The following KAT6B variants were observed in gnomAD, a reference collection of about 807,000 sequenced individuals.
KAT6B encodes the protein histone acetyltransferase KAT6B.
A neutral mutation model predicts 187.5 loss-of-function variants in KAT6B; 10 were observed. That is an observed-to-expected ratio of 0.05 (90% CI 0.03 to 0.09). The LOEUF (loss-of-function observed/expected upper bound fraction) is 0.09. Among genes scored for constraint, KAT6B ranks in the 10% least tolerant of loss-of-function variants. The pLI, the probability that KAT6B is intolerant of heterozygous loss-of-function variation, is 1.00. For missense variants in KAT6B, 1,952 were observed against 2,558.9 expected, an observed-to-expected ratio of 0.76 and a Z score of 5.12; for synonymous variants, 861 against 926.8, an observed-to-expected ratio of 0.93 and a Z score of 1.29.
intron 3 of KAT6B, among the ~76,000 whole-genome samples, chr10:74,848,007 C>T (rs1842228757): frequency 6.7e-6 from 1 of 150,332 alleles, no homozygotes; most frequent in South Asian, 2.1e-4. Flanking sequence ...CAACCTCTGT[C>T]TCCCAGGTTC....
intron 3 of KAT6B, among the ~76,000 whole-genome samples, chr10:74,908,032 ATGG>A (rs1846905582): frequency 6.6e-6 from 1 of 152,184 alleles, no homozygotes; most frequent in African/African-American, 2.4e-5. Flanking sequence ...TAATCCATTC[ATGG>A]ATTACTAGAT....
intron 2 of KAT6B, among the ~76,000 whole-genome samples, chr10:74,841,965 C>T (rs1841773202): frequency 6.6e-6 from 1 of 152,192 alleles, no homozygotes; most frequent in African/African-American, 2.4e-5. Context: ...GTTTAATGAG[C>T]TAACTGGGTA....
intron 3 of KAT6B, among the ~76,000 whole-genome samples, chr10:74,893,308 T>C (rs1845762658): frequency 6.6e-6 from 1 of 152,224 alleles, no homozygotes; most frequent in African/African-American, 2.4e-5. Flanking sequence ...TGGACCCCTC[T>C]CTTTTTCCTC....
chr10:74,989,187 C>T (rs1842981432), intron 13 of KAT6B, 75 bp downstream of exon 13: 2 of 1,015,570 alleles, frequency 2.0e-6, no homozygotes, highest in African/African-American at 1.6e-5. Flanking sequence ...AAATATAAAA[C>T]TTTATTTAAC....
At chr10:74,965,729 C>CTTT (rs755126285) in intron 4 of KAT6B, among the ~76,000 whole-genome samples, 1 of 141,988 alleles carries the variant, frequency 7.0e-6, no homozygotes. Context: ...GATCCATGTT[C>CTTT]TTTTTTTTTT....
intron 3 of KAT6B, among the ~76,000 whole-genome samples, chr10:74,925,343 A>G (rs11001204): frequency 0.1 from 15,455 of 151,830 alleles, 1,088 homozygotes; most frequent in South Asian, 0.27. Context: ...AGCCTGGCCA[A>G]TTTCTTTTTT....
intron 10 of KAT6B, 69 bp downstream of exon 10, chr10:74,979,408 C>G: frequency 9.0e-7 from 1 of 1,106,614 alleles, no homozygotes; most frequent in Non-Finnish European, 1.4e-6. Context: ...ATTCTTGATT[C>G]TAAAGCAGGA....
At chr10:74,878,617 C>G (rs1844606668) in intron 3 of KAT6B, among the ~76,000 whole-genome samples, 3 of 106,414 alleles carry the variant, frequency 2.8e-5, no homozygotes, top group African/African-American at 5.3e-5. Context: ...AAGACTCCAT[C>G]TCAAAAAAAA....
intron 3 of KAT6B, among the ~76,000 whole-genome samples, chr10:74,884,376 C>T (rs978165984): frequency 5.3e-5 from 8 of 152,116 alleles, no homozygotes; most frequent in Admixed American, 1.3e-4. Flanking sequence ...CTTTGGCAAC[C>T]GAAGATAGAT....
chr10:74,914,043 G>A (rs777827040), intron 3 of KAT6B, among the ~76,000 whole-genome samples: 15 of 151,918 alleles, frequency 9.9e-5, no homozygotes, highest in African/African-American at 2.4e-4. Context: ...AAAATTAGCC[G>A]GGCGTGGTGG....
At chr10:74,905,168 A>G (rs1846669174) in intron 3 of KAT6B, among the ~76,000 whole-genome samples, 1 of 152,212 alleles carries the variant, frequency 6.6e-6, no homozygotes, top group African/African-American at 2.4e-5. Context: ...TGACAGTACA[A>G]AAAAACACAG....
chr10:75,001,050 C>T (rs1843797869), intron 13 of KAT6B, among the ~76,000 whole-genome samples: 1 of 152,060 alleles, frequency 6.6e-6, no homozygotes, highest in Non-Finnish European at 1.5e-5. Flanking sequence ...ATACTCCCCT[C>T]CACCCCTGCC....
chr10:74,939,060 C>CACACACACACAT (rs1849469856), intron 3 of KAT6B, among the ~76,000 whole-genome samples: 1 of 151,578 alleles, frequency 6.6e-6, no homozygotes, highest in African/African-American at 2.4e-5. Flanking sequence ...AACACACACA[C>CACACACACACAT]ACACACACAC....
chr10:74,976,513 A>G (rs928312130), intron 8 of KAT6B, 183 bp downstream of exon 8: 3 of 644,650 alleles, frequency 4.7e-6, no homozygotes, highest in Non-Finnish European at 2.7e-6. Flanking sequence ...CTAAACCTCC[A>G]AAATGTTGTT....
chr10:74,872,905 A>G (rs1014355257), intron 3 of KAT6B, among the ~76,000 whole-genome samples: 1 of 152,126 alleles, frequency 6.6e-6, no homozygotes, highest in Non-Finnish European at 1.5e-5. Context: ...AGTATTGGGG[A>G]AAACTGGCAA....
rs1377184713 is a variant in KAT6B, at chr10:74,842,633, C to T, written c.-225C>T. On this transcript the variant is annotated 5_prime_UTR_variant, in exon 3 of 18. The change creates a premature stop within an existing upstream ORF in the 5' untranslated region. Transcript: ENST00000287239. ...TTCCCAGTTAAAGATGTTCTTCACC[C>T]GAATGCAGTCTTTCCTGTTGGTAAA... is the stretch of plus-strand genomic sequence containing the variant. The T allele has an allele frequency of 3.3e-6, 2 of 608,796 alleles. No individual in the cohort carries two copies. The highest frequency in any genetic ancestry group is 2.9e-5 in the Admixed American group (1 of 33,984). 37.7% of individuals were successfully genotyped at this position (608,796 alleles called of 1,614,324 possible).
intron 3 of KAT6B, among the ~76,000 whole-genome samples, chr10:74,927,196 A>G (rs1454909243): frequency 6.6e-6 from 1 of 152,220 alleles, no homozygotes; most frequent in African/African-American, 2.4e-5. Context: ...TGCTTGACAA[A>G]GGCCCTATTC....
intron 3 of KAT6B, among the ~76,000 whole-genome samples, chr10:74,897,921 A>G (rs537937300): frequency 1.3e-5 from 2 of 152,332 alleles, no homozygotes; most frequent in South Asian, 4.1e-4. Context: ...GCTATAATTC[A>G]TTTGCAGATT....
intron 3 of KAT6B, among the ~76,000 whole-genome samples, chr10:74,899,570 C>T (rs186691061): frequency 6.6e-6 from 1 of 152,202 alleles, no homozygotes; most frequent in East Asian, 1.9e-4. Context: ...CCACCGCGCC[C>T]GACCTCTAAA....
Sources: gnomAD v4.1 joint callset for allele counts (sites outside exome capture counted in the v4.1 genomes callset) on GRCh38, gnomAD v4.1.1 for gene constraint, MANE v1.5 for transcripts, NCBI Gene and HGNC (gene_info 2026-07-23, HGNC 2026-07-21) for gene names.